ADAMTS6: variants seen among roughly 807,000 people sequenced by gnomAD.
ADAMTS6 encodes ADAM metallopeptidase with thrombospondin type 1 motif 6.
In ADAMTS6, 23 loss-of-function variants were observed where a neutral mutation model predicts 144.3. The ratio of observed to expected loss-of-function variants is 0.16; its 90% CI spans 0.11 to 0.23. The LOEUF (loss-of-function observed/expected upper bound fraction) is 0.23, where lower values mean the gene tolerates loss of function less well. ADAMTS6 is among the 10% of genes least tolerant of loss of function. The pLI, the probability that ADAMTS6 is intolerant of heterozygous loss-of-function variation, is 1.00. For missense variants in ADAMTS6, 999 were observed against 1,379.6 expected (o/e 0.72, Z 4.37); for synonymous variants, 444 against 457.5 (o/e 0.97, Z 0.38).
chr5:65,440,365 G>A (rs1206921730), intron 7 of ADAMTS6, among the ~76,000 whole-genome samples: 4 of 152,084 alleles, frequency 2.6e-5, no homozygotes, highest in Non-Finnish European at 5.9e-5. Context: ...CCTGAGAAAT[G>A]GGAAAGTAAA....
In ADAMTS6 at chr5:65,403,454, T is replaced by C. The variant is rs148499477; in HGVS notation, c.1073+48021A>G. On this transcript the variant is annotated intron_variant, in intron 7 of 24. Transcript: ENST00000381055. ...CATCTTAAAATTAGCAAGATCATGA[T>C]CAAGAATTCTCGATCTTCCCCTATA... Among the ~76,000 whole-genome samples the C allele has an allele frequency of 1.0e-3, 154 of 152,260 alleles. 1 individual carries two copies. Among genetic ancestry groups the C allele is most frequent in the Admixed American group, 1.2e-3 (19 of 15,262 alleles).
intron 3 of ADAMTS6, among the ~76,000 whole-genome samples, chr5:65,460,611 GT>G (rs1316793538): frequency 1.3e-5 from 2 of 152,146 alleles, no homozygotes; most frequent in African/African-American, 4.8e-5. Flanking sequence ...ACTCTGTGAG[GT>G]AACAGATTTT....
intron 9 of ADAMTS6, among the ~76,000 whole-genome samples, chr5:65,302,515 T>C (rs1743541997): frequency 6.6e-6 from 1 of 151,696 alleles, no homozygotes; most frequent in African/African-American, 2.4e-5. Context: ...GAGCCCTAAA[T>C]TAAAACATCA....
chr5:65,277,182 GAGGA>G (rs1371759418), intron 11 of ADAMTS6, among the ~76,000 whole-genome samples: 1 of 152,132 alleles, frequency 6.6e-6, no homozygotes, highest in Non-Finnish European at 1.5e-5. Context: ...AATCAGTTAG[GAGGA>G]ATGCCTGGCA....
rs1309785058 is a variant in ADAMTS6 at position 65,374,960 on chromosome 5, T to C, written c.1074-40875A>G. On this transcript the variant is annotated intron_variant, in intron 7 of 24. Coordinates refer to ENST00000381055, the MANE Select transcript of ADAMTS6 (RefSeq NM_197941.4). ...GAGCCCTCAGAAATAATGCCACATA[T>C]CTACAACTATCTGATCTTTGACAAA... is the stretch of plus-strand genomic sequence containing the variant. 3.3e-5 allele frequency among the ~76,000 whole-genome samples: 5 copies of C among 152,150 alleles called. No homozygotes were observed. In the East Asian group the frequency reaches 9.6e-4, roughly 29 times the overall value.
intron 15 of ADAMTS6, among the ~76,000 whole-genome samples, chr5:65,240,926 C>T (rs1235441734): frequency 6.6e-6 from 1 of 152,106 alleles, no homozygotes; most frequent in Non-Finnish European, 1.5e-5. Flanking sequence ...TTGCATGTCA[C>T]TGTACATAAT....
chr5:65,388,465 A>C (rs190755288), intron 7 of ADAMTS6, among the ~76,000 whole-genome samples: 1 of 152,290 alleles, frequency 6.6e-6, no homozygotes, highest in East Asian at 1.9e-4. Context: ...AAGTTGTTTT[A>C]ACAGAAAGAG....
At chr5:65,318,763 T>C (rs1745259125) in intron 9 of ADAMTS6, among the ~76,000 whole-genome samples, 1 of 152,002 alleles carries the variant, frequency 6.6e-6, no homozygotes, top group South Asian at 2.1e-4. Flanking sequence ...GGGATGCGGG[T>C]AGGCTGGTTA....
rs1185938134 is a variant in ADAMTS6, at chr5:65,197,048, G to A, written c.2679C>T (p.Ala893=). Residue 893 remains alanine, a synonymous_variant, in exon 21 of 25, where the codon GCC becomes GCT. Transcript: ENST00000381055. ...CAGGTGGGCAGGGCTCAGTGTTGCA[G>A]GCTCTTTGATTTTCAGGTGGCTTAC... is the stretch of plus-strand genomic sequence containing the variant. ...PDSKPPENQR[A]CNTEPCPPEW... is the part of the protein sequence containing the mutation. 1 of 1,613,694 alleles carries A rather than the reference G, an allele frequency of 6.2e-7. No homozygotes were observed. Among genetic ancestry groups the A allele is most frequent in the East Asian group, 2.2e-5 (1 of 44,876 alleles).
chr5:65,430,164 TA>T (rs58780724), intron 7 of ADAMTS6, among the ~76,000 whole-genome samples: 421 of 143,944 alleles, frequency 2.9e-3, no homozygotes, highest in Non-Finnish European at 4.5e-3. Flanking sequence ...TTATCTTTGT[TA>T]AAAAAAAAAA....
intron 11 of ADAMTS6, among the ~76,000 whole-genome samples, chr5:65,275,795 T>C (rs1310272781): frequency 6.6e-6 from 1 of 152,028 alleles, no homozygotes; most frequent in Non-Finnish European, 1.5e-5. Context: ...TTTAAGGGCT[T>C]TGAAATATTG....
At chr5:65,304,632 A>C (rs1276676305) in intron 9 of ADAMTS6, among the ~76,000 whole-genome samples, 1 of 152,080 alleles carries the variant, frequency 6.6e-6, no homozygotes, top group South Asian at 2.1e-4. Context: ...GGATCTCTCT[A>C]TGTTACCCAG....
rs1752788153 is a variant in ADAMTS6 at position 65,390,043 on chromosome 5, T to C, written c.1074-55958A>G. Among the ~76,000 whole-genome samples the C allele has an allele frequency of 2.0e-5, 3 of 152,332 alleles. No individual in the cohort carries two copies. In the South Asian group the frequency reaches 6.2e-4, roughly 32 times the overall value. On this transcript the variant is annotated intron_variant, in intron 7 of 24. Transcript: ENST00000381055. ...GGCTTAACAGATTATATAGTAATTC[T>C]AGCACTCTTGAACAATTCTGAAAGT...
chr5:65,385,589 T>A (rs902787516), intron 7 of ADAMTS6, among the ~76,000 whole-genome samples: 5 of 152,166 alleles, frequency 3.3e-5, no homozygotes, highest in Admixed American at 3.3e-4. Context: ...ATTTTTTATT[T>A]TATTTATTGT....
chr5:65,236,627 C>A (rs549313103), intron 15 of ADAMTS6, among the ~76,000 whole-genome samples: 90 of 151,878 alleles, frequency 5.9e-4, no homozygotes, highest in Non-Finnish European at 1.2e-3. Context: ...ATATGAACAA[C>A]AAGAAATTCT....
chr5:65,447,523 T>C lies in ADAMTS6; in HGVS notation c.1073+3952A>G, dbSNP rs575752771. Among the ~76,000 whole-genome samples the C allele has an allele frequency of 2.2e-4, 34 of 152,232 alleles. 1 individual carries two copies. The highest frequency in any genetic ancestry group is 9.2e-4 in the Admixed American group (14 of 15,292). On this transcript the variant is annotated intron_variant, in intron 7 of 24. Coordinates refer to ENST00000381055, the MANE Select transcript of ADAMTS6 (RefSeq NM_197941.4). ...ATACAAAAGCTTAATAAAGACAATT[T>C]GCAAGTTTTATAGCAAGTTAACTTT... is the stretch of plus-strand genomic sequence containing the variant.
intron 24 of ADAMTS6, among the ~76,000 whole-genome samples, chr5:65,161,836 A>G (rs1383944177): frequency 6.6e-6 from 1 of 152,306 alleles, no homozygotes; most frequent in East Asian, 1.9e-4. Context: ...CTTTAAATCT[A>G]ATTTTGTAAA....
At chr5:65,353,920 T>C (rs547273207) in intron 7 of ADAMTS6, among the ~76,000 whole-genome samples, 1 of 152,044 alleles carries the variant, frequency 6.6e-6, no homozygotes, top group East Asian at 1.9e-4. Flanking sequence ...TTCAAATAGA[T>C]TATTAAATTG....
chr5:65,215,333 G>A lies in ADAMTS6; in HGVS notation c.2427C>T (p.Leu809=). The A allele has an allele frequency of 6.2e-7, 1 of 1,613,190 alleles. No individual in the cohort carries two copies. Among genetic ancestry groups the A allele is most frequent in the East Asian group, 2.2e-5 (1 of 44,860 alleles). The change falls in exon 19 of 25, where the codon CTC becomes CTT. Residue 809 remains leucine (L), a synonymous_variant. Transcript: ENST00000381055. ...LEALGPTSEN[L]IVMVLLQEQN... Reference sequence around the variant, plus strand: ...GCAAAGACGCATTTACCATGACGATGAGATTTTCTGAGGTAGGACCTAGAG... The same window carrying A: ...GCAAAGACGCATTTACCATGACGATAAGATTTTCTGAGGTAGGACCTAGAG...
Sources: gnomAD v4.1 joint callset for allele counts (sites outside exome capture counted in the v4.1 genomes callset) on GRCh38, gnomAD v4.1.1 for gene constraint, MANE v1.5 for transcripts, NCBI Gene and HGNC (gene_info 2026-07-23, HGNC 2026-07-21) for gene names.